Variants in IBTK observed in about 807,000 individuals in gnomAD.
IBTK encodes inhibitor of Bruton tyrosine kinase.
In IBTK, 83 loss-of-function variants were observed where a neutral mutation model predicts 154.9. That is an observed-to-expected ratio of 0.54 (90% CI 0.45 to 0.64). IBTK has a LOEUF of 0.64. Ranked by LOEUF, IBTK falls within the 30% of genes least tolerant of loss-of-function variation. IBTK has a pLI of 0.00. For missense variants in IBTK, 1,332 were observed against 1,584.6 expected (o/e 0.84, Z 2.71); for synonymous variants, 515 against 536.1 (o/e 0.96, Z 0.54).
At chr6:82,223,402 T>C (rs1267359421) in intron 8 of IBTK, 38 bp downstream of exon 8, 2 of 1,500,788 alleles carry the variant, frequency 1.3e-6, no homozygotes, top group Admixed American at 3.7e-5. Context: ...AGTTGAATTA[T>C]TATTAAAATT....
chr6:82,246,502 C>T (rs591807), intron 1 of IBTK, among the ~76,000 whole-genome samples: 109,603 of 143,030 alleles, frequency 0.77, 42,996 homozygotes, highest in East Asian at 0.96. Context: ...TGGAGTGCAG[C>T]GGCGCGATCT....
chr6:82,207,822 T>C (rs1769469333), intron 16 of IBTK, among the ~76,000 whole-genome samples: 1 of 152,086 alleles, frequency 6.6e-6, no homozygotes, highest in African/African-American at 2.4e-5. Context: ...AACAATTCAA[T>C]GGGAAAACAA....
In IBTK at chr6:82,216,061, TATATACAAGTATACCTTGTTTTA is replaced by T; in HGVS notation, c.1593_1601+14del. 1 of 1,560,960 alleles carries T rather than the reference TATATACAAGTATACCTTGTTTTA, an allele frequency of 6.4e-7. No homozygotes were observed. The highest frequency in any genetic ancestry group is 8.7e-7 in the Non-Finnish European group (1 of 1,153,490). On this transcript the variant is annotated splice_donor_variant and splice_donor_5th_base_variant and coding_sequence_variant and intron_variant, in exon 11 of 29. Coordinates refer to ENST00000306270, the MANE Select transcript of IBTK (RefSeq NM_015525.4). LOFTEE classifies it high-confidence loss of function. ...GTTCCTTCTAAAAAATGAAATTTAA[TATATACAAGTATACCTTGTTTTA>T]GGATCTGACTGCAGGATTGCAAAGT...
intron 2 of IBTK, among the ~76,000 whole-genome samples, chr6:82,239,770 T>C (rs925744729): frequency 2.6e-5 from 4 of 152,124 alleles, no homozygotes; most frequent in Non-Finnish European, 4.4e-5. Context: ...CTGAGCCTCT[T>C]CTGGTTCTGA....
rs189894927 is a variant in IBTK, at chr6:82,212,841, T to C, written c.2205-48A>G. ...AACAATTGATATTCCCCTACAAAAA[T>C]AAACATACAACAAAAAATCCAACAA... On this transcript the variant is annotated intron_variant, in intron 12 of 28. Transcript: ENST00000306270. 6 of 1,073,364 alleles carry C rather than the reference T, an allele frequency of 5.6e-6. No homozygotes were observed. In the Admixed American group the frequency reaches 1.1e-4, roughly 19 times the overall value. 66.5% of individuals were successfully genotyped at this position (1,073,364 alleles called of 1,614,324 possible).
chr6:82,171,455 T>C lies in IBTK; in HGVS notation c.4032A>G (p.Ala1344=). ...ATCCATGCTTATTCCACATAGGTAC[T>C]GCCAGTGGTCCCTGCGGTGTCCTTT... ...IVERTPQGPL[A]VPMWNKHGC The change falls in exon 29 of 29, where the codon GCA becomes GCG. Residue 1344 remains alanine (A), a synonymous_variant. Coordinates refer to ENST00000306270, the MANE Select transcript of IBTK (RefSeq NM_015525.4). 2 of 1,613,292 alleles carry C rather than the reference T, an allele frequency of 1.2e-6. No individual in the cohort carries two copies. Among genetic ancestry groups the C allele is most frequent in the Non-Finnish European group, 1.7e-6 (2 of 1,179,574 alleles).
chr6:82,193,274 T>C (rs576848809), intron 23 of IBTK, among the ~76,000 whole-genome samples: 1 of 152,182 alleles, frequency 6.6e-6, no homozygotes, highest in Non-Finnish European at 1.5e-5. Flanking sequence ...TTGCTATGCA[T>C]TTTGTCAATG....
chr6:82,207,193 G>A (rs936538962), intron 16 of IBTK, among the ~76,000 whole-genome samples: 2 of 151,958 alleles, frequency 1.3e-5, no homozygotes, highest in Non-Finnish European at 2.9e-5. Flanking sequence ...AAATCCTAAG[G>A]AATCCACTAA....
At chr6:82,185,183 A>AG (rs1185910743) in intron 25 of IBTK, among the ~76,000 whole-genome samples, 4 of 138,232 alleles carry the variant, frequency 2.9e-5, no homozygotes, top group South Asian at 4.6e-4. Flanking sequence ...ACTCTGTCTC[A>AG]GAAAAAAAAA....
intron 8 of IBTK, among the ~76,000 whole-genome samples, chr6:82,222,720 G>A (rs750093204): frequency 2.2e-4 from 33 of 151,920 alleles, no homozygotes; most frequent in Non-Finnish European, 4.1e-4. Context: ...TTATGAGTAT[G>A]GTTTATATGA....
intron 25 of IBTK, among the ~76,000 whole-genome samples, chr6:82,185,498 G>A (rs577272648): frequency 6.6e-6 from 1 of 151,322 alleles, no homozygotes; most frequent in East Asian, 1.9e-4. Flanking sequence ...AGGATGCAGT[G>A]AGCCAAGATT....
intron 16 of IBTK, among the ~76,000 whole-genome samples, chr6:82,210,137 T>G (rs1039602722): frequency 2.0e-5 from 3 of 152,216 alleles, no homozygotes; most frequent in Non-Finnish European, 4.4e-5. Flanking sequence ...ATGACCTCTC[T>G]TCATAAATTT....
intron 28 of IBTK, among the ~76,000 whole-genome samples, chr6:82,171,924 C>T (rs564284455): frequency 2.4e-4 from 36 of 152,298 alleles, no homozygotes; most frequent in Non-Finnish European, 4.1e-4. Flanking sequence ...TGCTACTATG[C>T]GTCTTTTCTG....
intron 1 of IBTK, among the ~76,000 whole-genome samples, chr6:82,244,477 T>C (rs1335210736): frequency 6.6e-6 from 1 of 152,218 alleles, no homozygotes; most frequent in East Asian, 1.9e-4. Context: ...GCATGGGCTC[T>C]CTCTCTTAAC....
intron 1 of IBTK, among the ~76,000 whole-genome samples, chr6:82,241,626 C>G (rs909420921): frequency 6.6e-6 from 1 of 152,090 alleles, no homozygotes. Context: ...ACAAAAGACT[C>G]TTTTTTTATA....
chr6:82,202,473 T>A (rs911125186), intron 18 of IBTK, 55 bp downstream of exon 18: 29 of 903,158 alleles, frequency 3.2e-5, no homozygotes, highest in Non-Finnish European at 5.1e-5. Flanking sequence ...ATATCTGCTA[T>A]TATATATAAA....
At chr6:82,241,202 TTCTC>T (rs1297603856) in intron 1 of IBTK, among the ~76,000 whole-genome samples, 1 of 152,142 alleles carries the variant, frequency 6.6e-6, no homozygotes, top group Non-Finnish European at 1.5e-5. Context: ...ACTCTGGAGT[TTCTC>T]TTTCTTTCCA....
Position 82,197,373 on chromosome 6 carries a change from A to ATTTTTTTT in IBTK, c.3026-935_3026-928dup, listed in dbSNP as rs11422131. ...TTTTTTTGCCACACAATCTTTTTGA[A>ATTTTTTTT]TTTTTTTTTTTTTTTGAGACAGAGT... On this transcript the variant is annotated intron_variant, in intron 21 of 28. Coordinates refer to ENST00000306270, the MANE Select transcript of IBTK (RefSeq NM_015525.4). Among the ~76,000 whole-genome samples the ATTTTTTTT allele has an allele frequency of 1.1e-3, 149 of 138,422 alleles. 5 individuals carry two copies. Among genetic ancestry groups the ATTTTTTTT allele is most frequent in the South Asian group, 2.7e-3 (12 of 4,400 alleles). 90.8% of individuals were successfully genotyped at this position (138,422 alleles called of 152,430 possible). A position where few individuals can be genotyped will look rare whatever the true frequency, so the allele number is the denominator to read the frequency against.
rs1451648710 is a variant in IBTK, at chr6:82,170,255, A to AT, written c.*1169dup. On this transcript the variant is annotated 3_prime_UTR_variant, in exon 29 of 29. Transcript: ENST00000306270. ...CACATTAGTGAAATGGATCAAGATC[A>AT]TTTTTTATTGCACATCTGCTTACAT... 15 of 152,608 alleles carry AT rather than the reference A, an allele frequency of 9.8e-5. No homozygotes were observed. Among genetic ancestry groups the AT allele is most frequent in the Non-Finnish European group, 1.5e-4 (10 of 68,020 alleles). The allele number at this position is 152,608 out of a possible 1,614,324, so 9.5% of individuals were successfully genotyped here.
Sources: gnomAD v4.1 joint callset for allele counts (sites outside exome capture counted in the v4.1 genomes callset) on GRCh38, gnomAD v4.1.1 for gene constraint, MANE v1.5 for transcripts, NCBI Gene and HGNC (gene_info 2026-07-23, HGNC 2026-07-21) for gene names.